The following BMP7 variants were observed in gnomAD, a reference collection of about 807,000 sequenced individuals.
BMP7 encodes bone morphogenetic protein 7.
Under a neutral mutation model 41.2 loss-of-function variants are expected in BMP7, and 12 were observed. The ratio of observed to expected loss-of-function variants is 0.29; its 90% confidence interval spans 0.19 to 0.47. BMP7 has a LOEUF of 0.47. BMP7 is among the 20% of genes least tolerant of loss of function. The pLI is 0.99. For synonymous variants in BMP7, 248 were observed against 250.0 expected (o/e 0.99, Z 0.07); for missense variants, 467 against 606.0 (o/e 0.77, Z 2.41).
chr20:57,224,855 A>G lies in BMP7; in HGVS notation c.611+3374T>C, dbSNP rs1985270999. ...GCGCTTTAAGCAGAGCCGCAGGGCT[A>G]TGGAAGGCCTCCAGCTCGGCTCATT... On this transcript the variant is annotated intron_variant, in intron 2 of 6. Transcript: ENST00000395863. The surrounding 1 kb of genome is among the most constrained non-coding windows in gnomAD (Gnocchi z 4.8). The G allele has an allele frequency of 6.6e-6, 1 of 152,304 alleles. No homozygotes were observed. The highest frequency in any genetic ancestry group is 1.5e-5 in the Non-Finnish European group (1 of 68,076). 9.4% of individuals were successfully genotyped at this position (152,304 alleles called of 1,614,324 possible).
At chr20:57,241,026 A>G (rs2066066837) in intron 1 of BMP7, among the ~76,000 whole-genome samples, 1 of 152,132 alleles carries the variant, frequency 6.6e-6, no homozygotes, top group Non-Finnish European at 1.5e-5. Flanking sequence ...ATCTCACTGA[A>G]TCCTTATGAA....
intron 3 of BMP7, among the ~76,000 whole-genome samples, chr20:57,201,744 A>T (rs543116581): frequency 6.6e-6 from 1 of 152,364 alleles, no homozygotes; most frequent in East Asian, 1.9e-4. Flanking sequence ...GTCAAGCTAC[A>T]AGATATCATT....
At chr20:57,193,892 C>G (rs773773770) in intron 3 of BMP7, among the ~76,000 whole-genome samples, 3 of 152,216 alleles carry the variant, frequency 2.0e-5, no homozygotes, top group African/African-American at 7.2e-5. Context: ...CTGACCAGAC[C>G]TTTGCTCCGA....
intron 3 of BMP7, among the ~76,000 whole-genome samples, chr20:57,201,453 G>A (rs74938363): frequency 0.032 from 4,796 of 152,196 alleles, 87 homozygotes; most frequent in Non-Finnish European, 0.043. Flanking sequence ...TGGGAGAGGG[G>A]AAAAACAGAA....
rs551290516 is a variant in BMP7, at chr20:57,203,566, T to C, written c.612-943A>G. Among the ~76,000 whole-genome samples the C allele has an allele frequency of 3.3e-5, 5 of 152,264 alleles. No homozygotes were observed. The East Asian group carries it at 9.7e-4, about 29-fold the overall frequency. On this transcript the variant is annotated intron_variant, in intron 2 of 6. Coordinates refer to ENST00000395863, the MANE Select transcript of BMP7 (RefSeq NM_001719.3). ...GTAAATGGGTGGATGGATGGATGAATGGGTAGATGAGTAGATGAATAAGAG... is the reference window on the plus strand; with the variant it reads ...GTAAATGGGTGGATGGATGGATGAACGGGTAGATGAGTAGATGAATAAGAG...
intron 4 of BMP7, among the ~76,000 whole-genome samples, chr20:57,176,650 A>C (rs6070007): frequency 0.97 from 147,243 of 152,008 alleles, 71,474 homozygotes; most frequent in East Asian, 1. Context: ...AGCTCCTATA[A>C]CTCCTGGGGT....
intron 2 of BMP7, among the ~76,000 whole-genome samples, chr20:57,209,570 G>A (rs1984833495): frequency 6.6e-6 from 1 of 152,242 alleles, no homozygotes; most frequent in African/African-American, 2.4e-5. Context: ...TCTAACATTA[G>A]ACAGTGGTGT....
intron 1 of BMP7, among the ~76,000 whole-genome samples, chr20:57,256,051 A>C (rs963513342): frequency 4.6e-5 from 7 of 152,204 alleles, no homozygotes; most frequent in African/African-American, 1.7e-4. Flanking sequence ...CAGGGAAGTC[A>C]CTTTACAAGT....
At chr20:57,235,568 G>A (rs1350482604) in intron 1 of BMP7, among the ~76,000 whole-genome samples, 1 of 152,152 alleles carries the variant, frequency 6.6e-6, no homozygotes, top group Admixed American at 6.5e-5. Flanking sequence ...CTCTGCAGGT[G>A]AGGGTTCTTC....
At position 57,204,025 on chromosome 20, in the gene BMP7, C is replaced by T. The variant is rs542665317; in HGVS notation, c.612-1402G>A. ...TGTGCAGAACTCAAAACTCAGGATC[C>T]GAAAGGTCAAGTTGTGTGCCCAGGG... On this transcript the variant is annotated intron_variant, in intron 2 of 6. Coordinates refer to ENST00000395863, the MANE Select transcript of BMP7 (RefSeq NM_001719.3). 4.6e-5 allele frequency among the ~76,000 whole-genome samples: 7 copies of T among 152,268 alleles called. No homozygotes were observed. In the South Asian group the frequency reaches 6.2e-4, roughly 14 times the overall value.
rs1004813873 is a variant in BMP7 at position 57,259,194 on chromosome 20, C to T, written c.418+6511G>A. 7.9e-5 allele frequency among the ~76,000 whole-genome samples: 12 copies of T among 152,126 alleles called. No individual in the cohort carries two copies. The highest frequency in any genetic ancestry group is 4.6e-4 in the Admixed American group (7 of 15,266). On this transcript the variant is annotated intron_variant, in intron 1 of 6. Transcript: ENST00000395863. This position sits in a 1 kb window ranked among gnomAD's most constrained non-coding sequence, Gnocchi z 4.7. The stretch of plus-strand genomic sequence containing the variant: ...GCTGTCACCGAGAACTTCCGTTACA[C>T]GGCAGTGAAGCCCCCAATCCCCCAC...
intron 2 of BMP7, among the ~76,000 whole-genome samples, chr20:57,221,239 G>T (rs230216): frequency 6.6e-6 from 1 of 151,894 alleles, no homozygotes; most frequent in Non-Finnish European, 1.5e-5. Flanking sequence ...TGCAACTTCC[G>T]AGGGGTGGAA....
chr20:57,242,320 T>A (rs1310017528), intron 1 of BMP7, among the ~76,000 whole-genome samples: 1 of 152,128 alleles, frequency 6.6e-6, no homozygotes, highest in East Asian at 1.9e-4. Flanking sequence ...ATGTGACTAG[T>A]GCTGAGTTGA....
At chr20:57,209,304 G>T (rs1218388106) in intron 2 of BMP7, among the ~76,000 whole-genome samples, 1 of 133,652 alleles carries the variant, frequency 7.5e-6, no homozygotes. Context: ...AATTAACCAG[G>T]CGTGGTGGTA....
chr20:57,191,065 C>T (rs933699186), intron 3 of BMP7, among the ~76,000 whole-genome samples: 1 of 152,158 alleles, frequency 6.6e-6, no homozygotes, highest in African/African-American at 2.4e-5. Context: ...CATGGCTGTA[C>T]AAACACACTC....
At chr20:57,249,278 A>G (rs2066102833) in intron 1 of BMP7, among the ~76,000 whole-genome samples, 1 of 151,660 alleles carries the variant, frequency 6.6e-6, no homozygotes, top group Non-Finnish European at 1.5e-5. Context: ...CAAACTTCTT[A>G]CCTTCTAGTG....
At chr20:57,225,156 G>A (rs1019725850) in intron 2 of BMP7, among the ~76,000 whole-genome samples, 1 of 152,154 alleles carries the variant, frequency 6.6e-6, no homozygotes, top group Non-Finnish European at 1.5e-5. Flanking sequence ...GGAAGAAGCT[G>A]TGCGGGCCCA....
rs185434576 is a variant in BMP7, at chr20:57,256,158, G to A, written c.418+9547C>T. ...CAGTCTCCAAAATGAAGCGCAAGATGGGAGGAGGCAAGAGGAACCCACTGG... is the reference window on the plus strand; with the variant it reads ...CAGTCTCCAAAATGAAGCGCAAGATAGGAGGAGGCAAGAGGAACCCACTGG... On this transcript the variant is annotated intron_variant, in intron 1 of 6. Coordinates refer to ENST00000395863, the MANE Select transcript of BMP7 (RefSeq NM_001719.3). 2.4e-3 allele frequency among the ~76,000 whole-genome samples: 372 copies of A among 152,310 alleles called. 1 individual carries two copies. Among genetic ancestry groups the A allele is most frequent in the Non-Finnish European group, 4.1e-3 (280 of 68,036 alleles).
intron 2 of BMP7, among the ~76,000 whole-genome samples, chr20:57,207,699 A>G (rs1356419505): frequency 1.3e-5 from 2 of 152,248 alleles, no homozygotes; most frequent in Non-Finnish European, 2.9e-5. Flanking sequence ...GTAGGACTGA[A>G]ACTTCTGGGA....
Sources: gnomAD v4.1 joint callset for allele counts (sites outside exome capture counted in the v4.1 genomes callset) on GRCh38, gnomAD v4.1.1 for gene constraint, Gnocchi (gnomAD v3.1) non-coding constraint, MANE v1.5 for transcripts, NCBI Gene and HGNC (gene_info 2026-07-23, HGNC 2026-07-21) for gene names.